Variants in STAU1 observed in about 807,000 individuals in gnomAD.
STAU1 encodes double-stranded RNA-binding protein Staufen homolog 1.
Under a neutral mutation model 62.9 loss-of-function variants are expected in STAU1, and 13 were observed. The observed-to-expected ratio is 0.21, with a 90% CI of 0.13 to 0.33. The LOEUF (loss-of-function observed/expected upper bound fraction) is 0.33. Among genes scored for constraint, STAU1 ranks in the 10% least tolerant of loss-of-function variants. STAU1 has a pLI of 1.00. For synonymous variants in STAU1, 269 were observed against 265.1 expected (o/e 1.01, Z -0.14); for missense variants, 571 against 712.1 (o/e 0.80, Z 2.25).
intron 1 of STAU1, among the ~76,000 whole-genome samples, chr20:49,183,866 A>G (rs997635613): frequency 6.6e-6 from 1 of 152,214 alleles, no homozygotes; most frequent in Non-Finnish European, 1.5e-5. Context: ...AAATATCACC[A>G]AACTTTTAAA....
At chr20:49,118,456 C>T in intron 9 of STAU1, 48 bp from the exon 10 acceptor site, 1 of 1,442,170 alleles carries the variant, frequency 6.9e-7, no homozygotes, top group Non-Finnish European at 9.6e-7. Flanking sequence ...TAAATCAGAT[C>T]ACTGAAAAAT....
chr20:49,158,561 G>C (rs1234688535), intron 3 of STAU1: 1 of 1,254,098 alleles, frequency 8.0e-7, no homozygotes, highest in East Asian at 5.6e-5. Context: ...TGTAATCCTA[G>C]CACTTTGGGA....
intron 5 of STAU1, among the ~76,000 whole-genome samples, chr20:49,148,008 GA>G (rs1356666018): frequency 6.6e-6 from 1 of 151,848 alleles, no homozygotes. Flanking sequence ...CCTTGTTTTT[GA>G]ATTTAAAATT....
intron 1 of STAU1, among the ~76,000 whole-genome samples, chr20:49,186,611 T>C (rs2093790674): frequency 6.6e-6 from 1 of 152,080 alleles, no homozygotes; most frequent in East Asian, 1.9e-4. Flanking sequence ...AGTACACCTA[T>C]AAAACTAAGT....
chr20:49,206,742 TA>T, the STAU1 span, among the ~76,000 whole-genome samples: 44 of 134,496 alleles, frequency 3.3e-4, no homozygotes, highest in African/African-American at 6.2e-4. Flanking sequence ...TATATATATA[TA>T]TATATATATT....
intron 1 of STAU1, among the ~76,000 whole-genome samples, chr20:49,180,319 CTT>C (rs10671718): frequency 8.6e-4 from 75 of 86,918 alleles, no homozygotes; most frequent in Middle Eastern, 6.8e-3. Flanking sequence ...GACTACAGTT[CTT>C]TTTTTTTTTT....
intron 3 of STAU1, among the ~76,000 whole-genome samples, chr20:49,161,753 T>C (rs1316972991): frequency 6.6e-6 from 1 of 152,058 alleles, no homozygotes; most frequent in Non-Finnish European, 1.5e-5. Flanking sequence ...CCTAGGGATA[T>C]GAAAATAGAG....
chr20:49,140,316 C>T (rs1182321702), intron 5 of STAU1, among the ~76,000 whole-genome samples: 1 of 152,082 alleles, frequency 6.6e-6, no homozygotes. Flanking sequence ...TAGATATACA[C>T]CCAAAAGACC....
the STAU1 span, among the ~76,000 whole-genome samples, chr20:49,204,646 A>ATTTTTT: frequency 3.1e-5 from 1 of 32,168 alleles, no homozygotes; most frequent in Non-Finnish European, 5.1e-5. Flanking sequence ...ATATATATAT[A>ATTTTTT]TTTTTTTTTT....
intron 3 of STAU1, among the ~76,000 whole-genome samples, chr20:49,154,326 A>C (rs998598914): frequency 1.3e-5 from 2 of 152,246 alleles, no homozygotes; most frequent in Non-Finnish European, 2.9e-5. Flanking sequence ...CCAAGACATT[A>C]TCAGTGAAAG....
chr20:49,124,612 G>C (rs1004746494), intron 6 of STAU1, 25 bp from the exon 7 acceptor site: 4 of 1,611,636 alleles, frequency 2.5e-6, no homozygotes, highest in Non-Finnish European at 3.4e-6. Context: ...AAGACTGAGT[G>C]AAAGCGGACA....
At chr20:49,175,994 T>A (rs922177531) in intron 1 of STAU1, among the ~76,000 whole-genome samples, 3 of 151,088 alleles carry the variant, frequency 2.0e-5, no homozygotes, top group Non-Finnish European at 2.9e-5. Context: ...CGGGGTTTCA[T>A]CGTGTTAGCC....
At chr20:49,189,836 C>A (rs1263893868), upstream of STAU1, among the ~76,000 whole-genome samples, 1 of 152,084 alleles carries the variant, frequency 6.6e-6, no homozygotes, top group Non-Finnish European at 1.5e-5. Context: ...CTCAATCTCT[C>A]TTGCCAACGG....
chr20:49,208,992 G>A, the STAU1 span, among the ~76,000 whole-genome samples: 1 of 151,424 alleles, frequency 6.6e-6, no homozygotes, highest in African/African-American at 2.4e-5. Context: ...CTGGAGTGCA[G>A]TGGCACAATC....
intron 7 of STAU1, 65 bp downstream of exon 7, chr20:49,124,310 C>G: frequency 1.3e-6 from 2 of 1,536,554 alleles, no homozygotes; most frequent in Non-Finnish European, 1.8e-6. Flanking sequence ...CAGCGACCAG[C>G]CTTCTAAACC....
chr20:49,216,848 T>C, the STAU1 span, among the ~76,000 whole-genome samples: 121 of 152,272 alleles, frequency 7.9e-4, no homozygotes, highest in African/African-American at 2.7e-3. Context: ...TCAGAAGACT[T>C]GCTCATTCTT....
intron 1 of STAU1, among the ~76,000 whole-genome samples, chr20:49,183,768 G>A (rs2093754307): frequency 6.6e-6 from 1 of 152,116 alleles, no homozygotes; most frequent in African/African-American, 2.4e-5. Flanking sequence ...AACATAAGGG[G>A]TAGGTTCTTG....
intron 1 of STAU1, among the ~76,000 whole-genome samples, chr20:49,177,371 A>T (rs1174316960): frequency 1.3e-5 from 2 of 152,042 alleles, no homozygotes; most frequent in Non-Finnish European, 2.9e-5. Context: ...CCCTGTCTCT[A>T]TTAAAATAAA....
At chr20:49,207,641 G>A in the STAU1 span, among the ~76,000 whole-genome samples, 4 of 151,448 alleles carry the variant, frequency 2.6e-5, no homozygotes, top group Non-Finnish European at 4.4e-5. Context: ...TCACCCTCCC[G>A]AGTAGCTGGC....
Sources: gnomAD v4.1 joint callset for allele counts (sites outside exome capture counted in the v4.1 genomes callset) on GRCh38, gnomAD v4.1.1 for gene constraint, MANE v1.5 for transcripts, NCBI Gene and HGNC (gene_info 2026-07-23, HGNC 2026-07-21) for gene names.